PPARGC1A: variants seen among roughly 807,000 people sequenced by gnomAD.
The protein encoded by PPARGC1A is PPARG coactivator 1 alpha.
A neutral mutation model predicts 88.7 loss-of-function variants in PPARGC1A; 25 were observed. The observed-to-expected ratio is 0.28, with a 90% CI of 0.21 to 0.39. The LOEUF (loss-of-function observed/expected upper bound fraction) is 0.39. PPARGC1A is among the 10% of genes least tolerant of loss of function. The pLI is 1.00. For synonymous variants in PPARGC1A, 363 were observed against 355.6 expected (o/e 1.02, Z -0.24); for missense variants, 880 against 968.7 (o/e 0.91, Z 1.22).
the PPARGC1A span, among the ~76,000 whole-genome samples, chr4:24,106,120 A>G: frequency 6.6e-6 from 1 of 152,094 alleles, no homozygotes; most frequent in African/African-American, 2.4e-5. Flanking sequence ...GGATGCCCTC[A>G]CACACCTAGT....
chr4:24,148,157 C>A, the PPARGC1A span, among the ~76,000 whole-genome samples: 8 of 152,168 alleles, frequency 5.3e-5, no homozygotes, highest in Non-Finnish European at 1.0e-4. Flanking sequence ...TTTCTCCCCC[C>A]ACAAAAACAC....
At chr4:23,935,355 G>A in the PPARGC1A span, among the ~76,000 whole-genome samples, 1 of 152,210 alleles carries the variant, frequency 6.6e-6, no homozygotes, top group African/African-American at 2.4e-5. Context: ...ACATCTGGAA[G>A]TAAATTATAT....
At chr4:24,343,117 A>C in the PPARGC1A span, among the ~76,000 whole-genome samples, 1 of 152,196 alleles carries the variant, frequency 6.6e-6, no homozygotes, top group African/African-American at 2.4e-5. Context: ...CCACTGAAAC[A>C]CTCTGCTTCT....
chr4:24,382,979 C>G, the PPARGC1A span, among the ~76,000 whole-genome samples: 1 of 152,198 alleles, frequency 6.6e-6, no homozygotes, highest in Non-Finnish European at 1.5e-5. Context: ...ACACCTCATA[C>G]AGGAGAGCTC....
the PPARGC1A span, among the ~76,000 whole-genome samples, chr4:24,217,475 G>T: frequency 1.3e-5 from 2 of 152,116 alleles, no homozygotes; most frequent in African/African-American, 4.8e-5. Flanking sequence ...GTGTTGGATG[G>T]TGACCATGGG....
At position 23,795,785 on chromosome 4, in the gene PPARGC1A, T is replaced by C; in HGVS notation, c.*37A>G. 6.6e-7 allele frequency: 1 copy of C among 1,518,552 alleles called. No homozygotes were observed. The highest frequency in any genetic ancestry group is 9.0e-7 in the Non-Finnish European group (1 of 1,107,456). The allele number at this position is 1,518,552 out of a possible 1,614,324, so 94.1% of individuals were successfully genotyped here. ...GAAGGACGCGCTGTCCCATGAGGTA[T>C]TCGCCATCCCTCTGTCATCCTCAGC... On this transcript the variant is annotated 3_prime_UTR_variant, in exon 13 of 13. Coordinates refer to ENST00000264867, the MANE Select transcript of PPARGC1A (RefSeq NM_013261.5).
At chr4:24,002,097 C>CACAGAGAG in the PPARGC1A span, among the ~76,000 whole-genome samples, 70 of 125,378 alleles carry the variant, frequency 5.6e-4, no homozygotes, top group Middle Eastern at 4.0e-3. Flanking sequence ...CACACACACA[C>CACAGAGAG]AGAGAGAGAG....
chr4:24,078,106 T>A, the PPARGC1A span, among the ~76,000 whole-genome samples: 1 of 35,986 alleles, frequency 2.8e-5, no homozygotes, highest in East Asian at 7.5e-4. Flanking sequence ...TTCCTCAAAT[T>A]TTTTTTTTTG....
chr4:24,432,612 G>T, the PPARGC1A span, among the ~76,000 whole-genome samples: 144 of 152,142 alleles, frequency 9.5e-4, no homozygotes, highest in Non-Finnish European at 1.6e-3. Context: ...AGGTGCCCTG[G>T]AAGAAAGCCT....
the PPARGC1A span, among the ~76,000 whole-genome samples, chr4:24,229,955 G>A: frequency 6.6e-6 from 1 of 151,990 alleles, no homozygotes; most frequent in African/African-American, 2.4e-5. Flanking sequence ...GGTCGCTGAA[G>A]GCATTTTTGG....
intron 7 of PPARGC1A, among the ~76,000 whole-genome samples, chr4:23,814,933 C>A (rs1394533284): frequency 2.0e-5 from 3 of 152,042 alleles, no homozygotes; most frequent in Non-Finnish European, 4.4e-5. Flanking sequence ...GGCATTATTA[C>A]CAAAGCTTGC....
chr4:24,317,173 C>T, the PPARGC1A span, among the ~76,000 whole-genome samples: 2 of 151,946 alleles, frequency 1.3e-5, no homozygotes, highest in Non-Finnish European at 2.9e-5. Context: ...GGCATACTAC[C>T]CTTAACCATT....
the PPARGC1A span, among the ~76,000 whole-genome samples, chr4:24,007,701 G>T: frequency 1.3e-5 from 2 of 152,156 alleles, no homozygotes; most frequent in Non-Finnish European, 2.9e-5. Flanking sequence ...GATAGGGAGG[G>T]AGGGAGTCCA....
the PPARGC1A span, among the ~76,000 whole-genome samples, chr4:24,091,928 T>TAC: frequency 0.043 from 6,335 of 147,130 alleles, 135 homozygotes; most frequent in African/African-American, 0.065. Flanking sequence ...CTTGCCCCAA[T>TAC]ACACACACAC....
chr4:24,026,671 G>A, the PPARGC1A span, among the ~76,000 whole-genome samples: 13 of 151,996 alleles, frequency 8.6e-5, no homozygotes, highest in African/African-American at 2.9e-4. Flanking sequence ...TTAGACACAC[G>A]CCTCCACCAA....
At chr4:24,301,745 G>A in the PPARGC1A span, among the ~76,000 whole-genome samples, 4 of 151,748 alleles carry the variant, frequency 2.6e-5, no homozygotes, top group African/African-American at 9.7e-5. Flanking sequence ...GGGGTAGAAT[G>A]TCCTGTTTCC....
At chr4:23,918,065 A>C in the PPARGC1A span, among the ~76,000 whole-genome samples, 1 of 152,140 alleles carries the variant, frequency 6.6e-6, no homozygotes, top group East Asian at 1.9e-4. Flanking sequence ...TTTAGCTTAT[A>C]AAACTCTGGC....
the PPARGC1A span, among the ~76,000 whole-genome samples, chr4:24,251,989 T>A: frequency 1.3e-5 from 2 of 152,196 alleles, no homozygotes; most frequent in African/African-American, 4.8e-5. Context: ...CTAATATCAT[T>A]ACTAATATTA....
the PPARGC1A span, among the ~76,000 whole-genome samples, chr4:24,369,921 G>A: frequency 6.6e-6 from 1 of 152,210 alleles, no homozygotes; most frequent in Non-Finnish European, 1.5e-5. Context: ...AGAAAGTGGA[G>A]GCTAGTAGGT....
Sources: allele counts gnomAD v4.1 joint callset (sites outside exome capture counted in the v4.1 genomes callset), GRCh38; gene constraint gnomAD v4.1.1; transcripts MANE v1.5; gene names NCBI Gene and HGNC (gene_info 2026-07-23, HGNC 2026-07-21).